Variants in PPM1L observed in about 807,000 individuals in gnomAD.
PPM1L encodes the protein protein phosphatase 1L.
In PPM1L, 13 loss-of-function variants were observed where a neutral mutation model predicts 31.4. The ratio of observed to expected loss-of-function variants is 0.41; its 90% CI spans 0.27 to 0.66. The LOEUF is 0.66. Among genes scored for constraint, PPM1L ranks in the 30% least tolerant of loss-of-function variants. PPM1L has a pLI of 0.29. For synonymous variants in PPM1L, 184 were observed against 175.4 expected (o/e 1.05, Z -0.39); for missense variants, 326 against 453.7 (o/e 0.72, Z 2.56).
At chr3:160,837,706 C>T (rs766963909) in intron 1 of PPM1L, among the ~76,000 whole-genome samples, 3 of 152,094 alleles carry the variant, frequency 2.0e-5, no homozygotes, top group Admixed American at 6.6e-5. Context: ...TGCCAAGCCT[C>T]GGGTGGGACC....
At chr3:160,932,799 GA>G (rs1714830747) in intron 1 of PPM1L, among the ~76,000 whole-genome samples, 1 of 152,094 alleles carries the variant, frequency 6.6e-6, no homozygotes, top group Non-Finnish European at 1.5e-5. Flanking sequence ...TTTTGAAATA[GA>G]ACTGAATTTG....
chr3:160,805,119 A>G (rs1712557576), intron 1 of PPM1L, among the ~76,000 whole-genome samples: 1 of 152,218 alleles, frequency 6.6e-6, no homozygotes, highest in Admixed American at 6.5e-5. Flanking sequence ...TAGCCCAGCT[A>G]GGCAGATCAT....
intron 2 of PPM1L, among the ~76,000 whole-genome samples, chr3:161,030,659 C>T (rs73875444): frequency 0.028 from 4,245 of 152,170 alleles, 138 homozygotes; most frequent in African/African-American, 0.082. Flanking sequence ...TAGAGTCAGA[C>T]TTCTAGATGG....
intron 1 of PPM1L, among the ~76,000 whole-genome samples, chr3:160,870,253 C>T (rs1712255254): frequency 6.6e-6 from 1 of 152,048 alleles, no homozygotes; most frequent in African/African-American, 2.4e-5. Flanking sequence ...CAAAGTTGTC[C>T]CACCCACTCT....
At chr3:160,903,047 A>T (rs965526188) in intron 1 of PPM1L, among the ~76,000 whole-genome samples, 1 of 152,164 alleles carries the variant, frequency 6.6e-6, no homozygotes, top group Non-Finnish European at 1.5e-5. Context: ...AAAAAGGTGG[A>T]TAGTAATACA....
chr3:160,756,373 G>T lies in PPM1L; in HGVS notation c.65G>T (p.Arg22Ile), dbSNP rs1216036987. 1 of 1,614,234 alleles carries T rather than the reference G, an allele frequency of 6.2e-7. No homozygotes were observed. Among genetic ancestry groups the T allele is most frequent in the South Asian group, 1.1e-5 (1 of 91,084 alleles). Residue 22 changes from arginine to isoleucine, a missense_variant, in exon 1 of 4, where the codon AGA (arginine) becomes ATA (isoleucine). By Grantham distance (97) the Arg-to-Ile change is moderately conservative. This residue lies in a region of PPM1L where 42 missense variants were observed against 76.1 expected (regional missense o/e 0.55). Transcript: ENST00000498165. The surrounding 1 kb of genome is among the most constrained non-coding windows in gnomAD (Gnocchi z 6.2). ...CGCATCATGCGCTACTTCTTGCTGA[G>T]ACCCGAGACGCTTTTCCTGCTGTGC... ...LGRIMRYFLL[R>I]PETLFLLCIS...
chr3:160,920,607 T>TCACA (rs1714357567), intron 1 of PPM1L, among the ~76,000 whole-genome samples: 1 of 90,330 alleles, frequency 1.1e-5, no homozygotes, highest in African/African-American at 4.4e-5. Context: ...TCTCTCTCTC[T>TCACA]CTCTCTCTCA....
At chr3:161,048,788 G>A (rs1576806129) in intron 2 of PPM1L, among the ~76,000 whole-genome samples, 2 of 151,896 alleles carry the variant, frequency 1.3e-5, no homozygotes, top group African/African-American at 4.8e-5. Context: ...TAGGGACATG[G>A]ATGAAGCTGG....
At chr3:160,876,864 G>C (rs1217781058) in intron 1 of PPM1L, among the ~76,000 whole-genome samples, 4 of 152,210 alleles carry the variant, frequency 2.6e-5, no homozygotes, top group African/African-American at 9.6e-5. Context: ...GCACACAGCA[G>C]CCTGAGCCTA....
rs1716118637 is a variant in PPM1L, at chr3:160,965,672, G to A, written c.574+3762G>A. ...ATGTAATCTCATTCTAAGTCGAGGA[G>A]CATCTGCACTAACATGCTCATTTGC... On this transcript the variant is annotated intron_variant, in intron 2 of 3. Coordinates refer to ENST00000498165, the MANE Select transcript of PPM1L (RefSeq NM_139245.4). Among the ~76,000 whole-genome samples the A allele has an allele frequency of 2.0e-5, 3 of 152,196 alleles. No individual in the cohort carries two copies. The South Asian group carries it at 6.2e-4, about 32-fold the overall frequency.
At chr3:161,017,710 C>A (rs1718124891) in intron 2 of PPM1L, among the ~76,000 whole-genome samples, 1 of 152,118 alleles carries the variant, frequency 6.6e-6, no homozygotes, top group Admixed American at 6.6e-5. Context: ...AAGGTGCCAG[C>A]CTGTTTTTAT....
chr3:160,885,481 C>A (rs951055147), intron 1 of PPM1L, among the ~76,000 whole-genome samples: 1 of 152,166 alleles, frequency 6.6e-6, no homozygotes, highest in Non-Finnish European at 1.5e-5. Flanking sequence ...TTGAAAAGAA[C>A]CATAATAAAC....
At position 160,756,301 on chromosome 3, in the gene PPM1L, G is replaced by A; in HGVS notation, c.-8G>A. The A allele has an allele frequency of 4.4e-6, 7 of 1,600,640 alleles. No individual in the cohort carries two copies. The highest frequency in any genetic ancestry group is 5.1e-6 in the Non-Finnish European group (6 of 1,170,386). ...CGCTGGTGGTGGTTGAGGCTCTAGC[G>A]ATAATAAATGATAGAGGATACAATG... is the stretch of plus-strand genomic sequence containing the variant. On this transcript the variant is annotated 5_prime_UTR_variant, in exon 1 of 4. Coordinates refer to ENST00000498165, the MANE Select transcript of PPM1L (RefSeq NM_139245.4). This position sits in a 1 kb window ranked among gnomAD's most constrained non-coding sequence, Gnocchi z 6.2.
chr3:161,072,088 C>A lies in PPM1L; in HGVS notation c.*2931C>A, dbSNP rs181920684. 6.6e-6 allele frequency: 1 copy of A among 152,298 alleles called. No homozygotes were observed. The allele number at this position is 152,298 out of a possible 1,614,324, so 9.4% of individuals were successfully genotyped here. A position where few individuals can be genotyped will look rare whatever the true frequency, so the allele number is the denominator to read the frequency against. Reference sequence around the variant, plus strand: ...ATTAATGCAGTGCTCTGCTGCTGCTCCACTGGCAATTTGTACTCTTAACAT... The same window carrying A: ...ATTAATGCAGTGCTCTGCTGCTGCTACACTGGCAATTTGTACTCTTAACAT... On this transcript the variant is annotated 3_prime_UTR_variant, in exon 4 of 4. Coordinates refer to ENST00000498165, the MANE Select transcript of PPM1L (RefSeq NM_139245.4).
In PPM1L at chr3:160,861,842, TTGG is replaced by T. The variant is rs145843314; in HGVS notation, c.400-99888_400-99886del. On this transcript the variant is annotated intron_variant, in intron 1 of 3. Transcript: ENST00000498165. Reference sequence around the variant, plus strand: ...CCAGCTTCTAGAGACTGGCCAGTCTTTGGTGGTGTAGCCACCTTCTAGCAATGG... The same window carrying T: ...CCAGCTTCTAGAGACTGGCCAGTCTTTGGTGTAGCCACCTTCTAGCAATGG... Among the ~76,000 whole-genome samples, 254 of 152,324 alleles carry T rather than the reference TTGG, an allele frequency of 1.7e-3. 1 individual carries two copies. In the East Asian group the frequency reaches 0.021, roughly 12 times the overall value.
chr3:161,048,033 A>G (rs1160468700), intron 2 of PPM1L, among the ~76,000 whole-genome samples: 1 of 152,234 alleles, frequency 6.6e-6, no homozygotes, highest in African/African-American at 2.4e-5. Context: ...ATGGGCAAGG[A>G]CTTCATGACT....
chr3:160,865,723 C>T (rs541733077), intron 1 of PPM1L, among the ~76,000 whole-genome samples: 2 of 152,204 alleles, frequency 1.3e-5, no homozygotes, highest in East Asian at 1.9e-4. Flanking sequence ...TGCAGTGAGC[C>T]GAGATCATGC....
At chr3:160,966,405 T>G (rs1331877290) in intron 2 of PPM1L, among the ~76,000 whole-genome samples, 1 of 152,144 alleles carries the variant, frequency 6.6e-6, no homozygotes, top group Non-Finnish European at 1.5e-5. Context: ...AAAAATGTAG[T>G]TGATATCTGG....
intron 2 of PPM1L, among the ~76,000 whole-genome samples, chr3:161,060,721 C>CT (rs60605185): frequency 0.31 from 40,134 of 130,498 alleles, 6,708 homozygotes; most frequent in African/African-American, 0.49. Context: ...TGTGAATTCG[C>CT]TTTTTTTTTT....
Sources: gnomAD v4.1 joint callset for allele counts (sites outside exome capture counted in the v4.1 genomes callset) on GRCh38, gnomAD v4.1.1 for gene constraint, gnomAD v4.1.1 regional missense constraint, Gnocchi (gnomAD v3.1) non-coding constraint, MANE v1.5 for transcripts, NCBI Gene and HGNC (gene_info 2026-07-23, HGNC 2026-07-21) for gene names.